Variants in PREPL observed in about 807,000 individuals in gnomAD.
PREPL encodes the protein prolyl endopeptidase like.
Under a neutral mutation model 70.6 loss-of-function variants are expected in PREPL, and 77 were observed. The observed-to-expected ratio is 1.09, with a 90% confidence interval of 0.91 to 1.32. PREPL has a LOEUF of 1.32. Among genes scored for constraint, PREPL ranks in the 40% most tolerant of loss-of-function variants. The pLI, the probability that PREPL is intolerant of heterozygous loss-of-function variation, is 0.00. For missense variants in PREPL, 1,002 were observed against 778.2 expected (o/e 1.29, Z -3.42); for synonymous variants, 315 against 264.8 (o/e 1.19, Z -1.84).
chr2:44,360,271 G>A (rs1196965897), intron 1 of PREPL: 1 of 152,206 alleles, frequency 6.6e-6, no homozygotes, highest in African/African-American at 2.4e-5. Context: ...ACTGCCAGGT[G>A]CTTTTATCTT....
intron 1 of PREPL, among the ~76,000 whole-genome samples, chr2:44,361,135 T>C (rs1677736875): frequency 6.6e-6 from 1 of 152,204 alleles, no homozygotes; most frequent in Non-Finnish European, 1.5e-5. Context: ...GAAGACAGTA[T>C]GCAAGGCTAG....
intron 1 of PREPL, among the ~76,000 whole-genome samples, chr2:44,349,599 T>C (rs1403801831): frequency 6.6e-6 from 1 of 152,036 alleles, no homozygotes; most frequent in Non-Finnish European, 1.5e-5. Context: ...ACAAAGAAAC[T>C]AAAGAGAATC....
intron 1 of PREPL, among the ~76,000 whole-genome samples, chr2:44,358,091 T>C (rs1462968681): frequency 6.6e-6 from 1 of 151,972 alleles, no homozygotes; most frequent in African/African-American, 2.4e-5. Flanking sequence ...GAACAAAAAC[T>C]AGAAAAACTG....
upstream of PREPL, chr2:44,361,667 C>G (rs777600458): frequency 6.0e-5 from 16 of 265,944 alleles, no homozygotes; most frequent in Admixed American, 2.2e-4. Context: ...ATATATAAGA[C>G]TTTTCGTTCT....
Position 44,346,394 on chromosome 2 carries a change from G to C in PREPL, c.-48-4C>G, listed in dbSNP as rs543418837. On this transcript the variant is annotated splice_polypyrimidine_tract_variant and splice_region_variant and intron_variant, in intron 1 of 13. Transcript: ENST00000409411. ...CTTGTTTAACAGGCTGAAGATCCTG[G>C]AAAAAGTTTTGTTATGATCAAAATA... The C allele has an allele frequency of 1.9e-6, 3 of 1,608,532 alleles. No homozygotes were observed. The highest frequency in any genetic ancestry group is 1.1e-5 in the South Asian group (1 of 89,898).
At chr2:44,336,523 T>G (rs1674659779) in intron 7 of PREPL, among the ~76,000 whole-genome samples, 1 of 152,016 alleles carries the variant, frequency 6.6e-6, no homozygotes, top group Non-Finnish European at 1.5e-5. Context: ...TAACAGACAC[T>G]GGGGCCTACC....
rs779373162 is a variant in PREPL, at chr2:44,342,402, A to G, written c.485+15T>C. ...AGGTTCTGGAGAGAAAGATTTAATT[A>G]TATTATTCTAGTACCTTGGGTCTTT... On this transcript the variant is annotated intron_variant, in intron 5 of 13. Transcript: ENST00000409411. 8.8e-6 allele frequency: 14 copies of G among 1,591,392 alleles called. No individual in the cohort carries two copies. The East Asian group carries it at 2.9e-4, about 33-fold the overall frequency.
intron 8 of PREPL, among the ~76,000 whole-genome samples, chr2:44,329,880 TAAAG>T (rs1336367857): frequency 6.6e-6 from 1 of 152,160 alleles, no homozygotes; most frequent in Admixed American, 6.5e-5. Context: ...ACAAAAAAGA[TAAAG>T]AAATTGGTTT....
intron 1 of PREPL, among the ~76,000 whole-genome samples, chr2:44,357,867 A>G (rs1677215401): frequency 6.6e-6 from 1 of 152,236 alleles, no homozygotes; most frequent in Non-Finnish European, 1.5e-5. Flanking sequence ...AAAAAACACA[A>G]AAATGAAATA....
chr2:44,344,821 A>G (rs367876799), intron 2 of PREPL, among the ~76,000 whole-genome samples: 17 of 152,354 alleles, frequency 1.1e-4, no homozygotes, highest in African/African-American at 4.1e-4. Context: ...ACAAGAGGCA[A>G]TAAAGAAAAG....
At chr2:44,344,439 T>C (rs1203677747) in intron 3 of PREPL, 81 bp downstream of exon 3, 1 of 1,065,802 alleles carries the variant, frequency 9.4e-7, no homozygotes, top group South Asian at 1.8e-5. Context: ...CTTTTCTCTA[T>C]CTTTGAGAAA....
intron 9 of PREPL, among the ~76,000 whole-genome samples, chr2:44,327,397 AGG>A (rs1673620644): frequency 6.6e-6 from 1 of 152,176 alleles, no homozygotes; most frequent in Non-Finnish European, 1.5e-5. Flanking sequence ...CTGCCAGGTG[AGG>A]GGTATATACA....
At chr2:44,342,963 G>A (rs78711061) in intron 4 of PREPL, among the ~76,000 whole-genome samples, 4,132 of 152,228 alleles carry the variant, frequency 0.027, 75 homozygotes, top group Non-Finnish European at 0.043. Context: ...CAAGCCACAG[G>A]ATATCTCCAA....
intron 7 of PREPL, among the ~76,000 whole-genome samples, chr2:44,334,822 C>T (rs1036909975): frequency 2.6e-5 from 4 of 152,132 alleles, no homozygotes; most frequent in East Asian, 3.8e-4. Flanking sequence ...TCAGGTGATC[C>T]GCCTGCCTTG....
In PREPL at chr2:44,320,341, A is replaced by T. The variant is rs752861700; in HGVS notation, c.*1015T>A. On this transcript the variant is annotated 3_prime_UTR_variant, in exon 14 of 14. Coordinates refer to ENST00000409411, the MANE Select transcript of PREPL (RefSeq NM_001171613.2). Reference sequence around the variant, plus strand: ...TATGTTGTGTACACAAGAGAGCTGGATGGCATCGACAGAATCTTTATCGTG... The same window carrying T: ...TATGTTGTGTACACAAGAGAGCTGGTTGGCATCGACAGAATCTTTATCGTG... The T allele has an allele frequency of 5.6e-6, 9 of 1,614,180 alleles. No individual in the cohort carries two copies. The highest frequency in any genetic ancestry group is 3.3e-4 in the Middle Eastern group (2 of 6,060).
intron 7 of PREPL, among the ~76,000 whole-genome samples, chr2:44,335,584 C>G (rs1674553034): frequency 6.6e-6 from 1 of 152,004 alleles, no homozygotes; most frequent in Non-Finnish European, 1.5e-5. Context: ...AAATGTAAAA[C>G]CTAAGACTAT....
At chr2:44,352,301 C>G (rs1017122216) in intron 1 of PREPL, among the ~76,000 whole-genome samples, 1 of 152,042 alleles carries the variant, frequency 6.6e-6, no homozygotes, top group African/African-American at 2.4e-5. Flanking sequence ...TTGCTTGTGT[C>G]CACCTCAGCT....
intron 1 of PREPL, among the ~76,000 whole-genome samples, chr2:44,352,664 T>G (rs1336297560): frequency 2.0e-5 from 3 of 152,164 alleles, no homozygotes; most frequent in Non-Finnish European, 4.4e-5. Flanking sequence ...ATATCTCCAG[T>G]GCCTAGAATG....
chr2:44,349,729 C>T (rs1676203914), intron 1 of PREPL, among the ~76,000 whole-genome samples: 1 of 151,916 alleles, frequency 6.6e-6, no homozygotes, highest in South Asian at 2.1e-4. Context: ...CTTCGGGAGG[C>T]CAAGGCGGGT....
Sources: gnomAD v4.1 joint callset for allele counts (sites outside exome capture counted in the v4.1 genomes callset) on GRCh38, gnomAD v4.1.1 for gene constraint, MANE v1.5 for transcripts, NCBI Gene and HGNC (gene_info 2026-07-23, HGNC 2026-07-21) for gene names.